BRF1: variants seen among roughly 807,000 people sequenced by gnomAD.
BRF1 encodes transcription factor IIIB 90 kDa subunit.
Under a neutral mutation model 81.7 loss-of-function variants are expected in BRF1, and 59 were observed. The ratio of observed to expected loss-of-function variants is 0.72; its 90% confidence interval spans 0.59 to 0.90. The LOEUF (loss-of-function observed/expected upper bound fraction) is 0.90. BRF1 is among the 40% of genes least tolerant of loss of function. The pLI is 0.00. For missense variants in BRF1, 1,050 were observed against 936.3 expected, an observed-to-expected ratio of 1.12 and a Z score of -1.58; for synonymous variants, 491 against 395.6, an observed-to-expected ratio of 1.24 and a Z score of -2.86.
In BRF1 at chr14:105,226,276, C is replaced by T; in HGVS notation, c.930G>A (p.Leu310=). The T allele has an allele frequency of 6.2e-7, 1 of 1,614,034 alleles. No individual in the cohort carries two copies. Among genetic ancestry groups the T allele is most frequent in the Non-Finnish European group, 8.5e-7 (1 of 1,180,026 alleles). Residue 310 remains leucine, a synonymous_variant, in exon 9 of 18, where the codon CTG becomes CTA. Transcript: ENST00000547530. ...KLRMKQLEQV[L]SKKLEEVEGE... Reference sequence around the variant, plus strand: ...CTTCAACCTCCTCCAGTTTTTTTGACAGGACTTGTTCAAGCTGAAAGGGAA... The same window carrying T: ...CTTCAACCTCCTCCAGTTTTTTTGATAGGACTTGTTCAAGCTGAAAGGGAA...
intron 1 of BRF1, among the ~76,000 whole-genome samples, chr14:105,298,602 C>G (rs1296494856): frequency 1.3e-5 from 2 of 152,246 alleles, no homozygotes; most frequent in African/African-American, 4.8e-5. Context: ...CGCCTGTAAT[C>G]CCAGCACTTT....
At position 105,221,702 on chromosome 14, in the gene BRF1, G is replaced by A. The variant is rs1043298685; in HGVS notation, c.1261C>T (p.Leu421=). ...TCGCGGATGGAGTCTGAGATGCCCA[G>A]GCTGGCTGCAGTGGGGAGGGGGTCC... ...LLDPLPTAAS[L]GISDSIRECI... The change falls in exon 11 of 18, where the codon CTG becomes TTG. Residue 421 remains leucine, a synonymous_variant. Coordinates refer to ENST00000547530, the MANE Select transcript of BRF1 (RefSeq NM_001519.4). 2 of 1,611,602 alleles carry A rather than the reference G, an allele frequency of 1.2e-6. No individual in the cohort carries two copies. The highest frequency in any genetic ancestry group is 1.7e-6 in the Non-Finnish European group (2 of 1,179,896).
intron 3 of BRF1, among the ~76,000 whole-genome samples, chr14:105,266,812 G>C (rs958292486): frequency 6.6e-6 from 1 of 152,188 alleles, no homozygotes; most frequent in Non-Finnish European, 1.5e-5. Context: ...GGGAGACTGA[G>C]GGAGGCAGAT....
Position 105,315,106 on chromosome 14 carries a change from C to G in BRF1, c.-162+216G>C. 1 of 967,126 alleles carries G rather than the reference C, an allele frequency of 1.0e-6. No individual in the cohort carries two copies. Among genetic ancestry groups the G allele is most frequent in the Non-Finnish European group, 1.3e-6 (1 of 798,666 alleles). The allele number at this position is 967,126 out of a possible 1,614,324, so 59.9% of individuals were successfully genotyped here. A position where few individuals can be genotyped will look rare whatever the true frequency, so the allele number is the denominator to read the frequency against. On this transcript the variant is annotated intron_variant, in intron 1 of 17. Transcript: ENST00000327359. The surrounding 1 kb of genome is among the most constrained non-coding windows in gnomAD (Gnocchi z 4.4). ...GGGGGTGTCCTGGCCGCGGCCTCTGCGCGCCCCATCCCCGGCCCGGGTCCC... is the reference window on the plus strand; with the variant it reads ...GGGGGTGTCCTGGCCGCGGCCTCTGGGCGCCCCATCCCCGGCCCGGGTCCC...
chr14:105,243,246 C>T (rs367604541), intron 5 of BRF1, among the ~76,000 whole-genome samples: 8 of 149,234 alleles, frequency 5.4e-5, no homozygotes, highest in African/African-American at 1.7e-4. Context: ...TTCGAGACCA[C>T]CCTGGACACC....
At chr14:105,223,664 C>T (rs1054792596) in intron 10 of BRF1, among the ~76,000 whole-genome samples, 1 of 152,190 alleles carries the variant, frequency 6.6e-6, no homozygotes, top group African/African-American at 2.4e-5. Flanking sequence ...TGACCAAGGG[C>T]CTGTGGACCC....
chr14:105,214,545 CCCT>C (rs1207155487), intron 15 of BRF1, among the ~76,000 whole-genome samples: 1 of 91,752 alleles, frequency 1.1e-5, no homozygotes, highest in Non-Finnish European at 2.2e-5. Context: ...CTGCCCACAC[CCCT>C]GAGTGGCCCA....
At chr14:105,241,778 C>T (rs587672596) in intron 5 of BRF1, 6 of 283,326 alleles carry the variant, frequency 2.1e-5, no homozygotes, top group Admixed American at 4.3e-5. Context: ...ACTCTTAGAG[C>T]AAGACAGGCG....
At chr14:105,290,405 GC>G (rs2057469828) in intron 1 of BRF1, among the ~76,000 whole-genome samples, 1 of 152,098 alleles carries the variant, frequency 6.6e-6, no homozygotes, top group Non-Finnish European at 1.5e-5. Context: ...GGCAACAAGA[GC>G]GAAACTCCAT....
intron 5 of BRF1, chr14:105,242,205 C>T (rs1238155467): frequency 1.3e-5 from 2 of 152,240 alleles, no homozygotes; most frequent in African/African-American, 4.8e-5. Context: ...TCCCATTTAC[C>T]CTGATGTGAC....
chr14:105,242,339 T>C (rs982448741), intron 5 of BRF1: 2 of 152,166 alleles, frequency 1.3e-5, no homozygotes, highest in African/African-American at 2.4e-5. Flanking sequence ...AAAATAGATA[T>C]TATTTGGAGA....
chr14:105,224,949 G>C (rs993240498), intron 10 of BRF1, among the ~76,000 whole-genome samples: 18 of 152,214 alleles, frequency 1.2e-4, no homozygotes, highest in Admixed American at 5.2e-4. Context: ...TGGCTCCTTG[G>C]GGGAAAGCAC....
Position 105,229,689 on chromosome 14 carries a change from T to C in BRF1, c.695-776A>G, listed in dbSNP as rs867935082. ...CGTGGCACCCTCAGGAGCAACAACC[T>C]AGCATCTCAGGAGAGAGAGGCCACA... On this transcript the variant is annotated intron_variant, in intron 6 of 17. Coordinates refer to ENST00000547530, the MANE Select transcript of BRF1 (RefSeq NM_001519.4). 4.7e-3 allele frequency among the ~76,000 whole-genome samples: 664 copies of C among 140,936 alleles called. 1 individual carries two copies. Among genetic ancestry groups the C allele is most frequent in the African/African-American group, 0.016 (607 of 36,970 alleles). The allele number at this position is 140,936 out of a possible 152,430, so 92.5% of individuals were successfully genotyped here. A position where few individuals can be genotyped will look rare whatever the true frequency, so the allele number is the denominator to read the frequency against.
intron 2 of BRF1, among the ~76,000 whole-genome samples, chr14:105,279,697 C>T (rs1219719272): frequency 3.9e-5 from 6 of 152,150 alleles, no homozygotes; most frequent in African/African-American, 1.2e-4. Flanking sequence ...GACACCCATT[C>T]GCAGGTAAAC....
intron 14 of BRF1, 38 bp from the exon 15 acceptor site, chr14:105,217,838 C>G: frequency 6.3e-7 from 1 of 1,599,480 alleles, no homozygotes; most frequent in South Asian, 1.1e-5. Context: ...CCGTGAGTCA[C>G]GCCCACTGCA....
chr14:105,295,477 G>T (rs2057697011), intron 1 of BRF1, among the ~76,000 whole-genome samples: 1 of 151,824 alleles, frequency 6.6e-6, no homozygotes, highest in African/African-American at 2.4e-5. Context: ...GTATAGTAGG[G>T]CGCACCTGTA....
At chr14:105,223,907 C>A (rs1189169334) in intron 10 of BRF1, among the ~76,000 whole-genome samples, 2 of 152,358 alleles carry the variant, frequency 1.3e-5, no homozygotes, top group African/African-American at 2.4e-5. Context: ...GTGTTCATTT[C>A]TTGAAACCAC....
rs1202424876 is a variant in BRF1, at chr14:105,221,848, G to C, written c.1115C>G (p.Ala372Gly). Residue 372 changes from alanine to glycine, a missense_variant, in exon 11 of 18, where the codon GCC becomes GGC. Ala to Gly is a moderately conservative substitution (Grantham distance 60). Transcript: ENST00000547530. The stretch of plus-strand genomic sequence containing the variant: ...GTCTTTGTTCAGGTGGCTGGCCGCG[G>C]CTTCCAGCTCCTCGTCCTCTGTGTC... ...EEDTEDEELE[A>G]AASHLNKDLY... 1 of 1,606,860 alleles carries C rather than the reference G, an allele frequency of 6.2e-7. No individual in the cohort carries two copies. Among genetic ancestry groups the C allele is most frequent in the Non-Finnish European group, 8.5e-7 (1 of 1,177,310 alleles).
intron 2 of BRF1, among the ~76,000 whole-genome samples, chr14:105,282,432 G>A (rs1033810933): frequency 2.2e-4 from 34 of 152,158 alleles, no homozygotes; most frequent in Admixed American, 1.8e-3. Context: ...AGTAACAGTC[G>A]GAAGCTACAT....
Sources: allele counts gnomAD v4.1 joint callset (sites outside exome capture counted in the v4.1 genomes callset), GRCh38; gene constraint gnomAD v4.1.1; non-coding constraint Gnocchi (gnomAD v3.1); transcripts MANE v1.5; gene names NCBI Gene and HGNC (gene_info 2026-07-23, HGNC 2026-07-21).